The following CHST11 variants were observed in gnomAD, a reference collection of about 807,000 sequenced individuals.
CHST11 encodes the protein carbohydrate sulfotransferase 11, also known as C4S-1.
Under a neutral mutation model 30.4 loss-of-function variants are expected in CHST11, and 9 were observed. That is an observed-to-expected ratio of 0.30 (90% CI 0.18 to 0.52). The LOEUF is 0.52. Among genes scored for constraint, CHST11 ranks in the 20% least tolerant of loss-of-function variants. The pLI, the probability that CHST11 is intolerant of heterozygous loss-of-function variation, is 0.97. For missense variants in CHST11, 348 were observed against 460.6 expected (o/e 0.76, Z 2.24); for synonymous variants, 152 against 187.8 (o/e 0.81, Z 1.56).
At chr12:104,488,645 ATG>A (rs55888657) in intron 1 of CHST11, among the ~76,000 whole-genome samples, 1,542 of 136,686 alleles carry the variant, frequency 0.011, 25 homozygotes, top group African/African-American at 0.038. Context: ...GTGCGTGTGT[ATG>A]TGTGTGTGTA....
At chr12:104,695,086 A>T (rs1458896448) in intron 2 of CHST11, among the ~76,000 whole-genome samples, 2 of 152,138 alleles carry the variant, frequency 1.3e-5, no homozygotes, top group Non-Finnish European at 2.9e-5. Flanking sequence ...CTGCCTTCAG[A>T]TCCTGGCATC....
At position 104,681,025 on chromosome 12, in the gene CHST11, G is replaced by T. The variant is rs367865432; in HGVS notation, c.205-75924G>T. ...AAGGGTTGTTGTGAGGATGAATTGA[G>T]ATAATAAATGAAGACATCTAGTGCA... On this transcript the variant is annotated intron_variant, in intron 2 of 2. Coordinates refer to ENST00000303694, the MANE Select transcript of CHST11 (RefSeq NM_018413.6). Among the ~76,000 whole-genome samples the T allele has an allele frequency of 2.0e-4, 30 of 152,330 alleles. No individual in the cohort carries two copies. The South Asian group carries it at 6.2e-3, about 32-fold the overall frequency.
Position 104,575,247 on chromosome 12 carries a change from C to A in CHST11, c.119-26659C>A, listed in dbSNP as rs181538811. Among the ~76,000 whole-genome samples, 145 of 151,746 alleles carry A rather than the reference C, an allele frequency of 9.6e-4. 1 individual carries two copies. Among genetic ancestry groups the A allele is most frequent in the Non-Finnish European group, 1.4e-3 (98 of 67,964 alleles). On this transcript the variant is annotated intron_variant, in intron 1 of 2. Coordinates refer to ENST00000303694, the MANE Select transcript of CHST11 (RefSeq NM_018413.6). ...GCCCACAGGCATAAACTGGGATGAT[C>A]CCAGGGTGACGGGGCTTTGTGTTTG...
At chr12:104,660,356 T>C (rs1336545241) in intron 2 of CHST11, among the ~76,000 whole-genome samples, 1 of 152,194 alleles carries the variant, frequency 6.6e-6, no homozygotes, top group Non-Finnish European at 1.5e-5. Flanking sequence ...GCATTGCCAT[T>C]GCCCACGGGC....
rs182251225 is a variant in CHST11, at chr12:104,754,080, T to C, written c.205-2869T>C. ...AAATTTGTTGAGTGGTGGCATTTGG[T>C]CTGTGAATAACCAGAGGTCGGTAAT... On this transcript the variant is annotated intron_variant, in intron 2 of 2. Coordinates refer to ENST00000303694, the MANE Select transcript of CHST11 (RefSeq NM_018413.6). 3.9e-5 allele frequency among the ~76,000 whole-genome samples: 6 copies of C among 152,356 alleles called. No homozygotes were observed. In the East Asian group the frequency reaches 7.7e-4, roughly 20 times the overall value.
At chr12:104,648,656 A>G (rs1421123259) in intron 2 of CHST11, among the ~76,000 whole-genome samples, 1 of 151,368 alleles carries the variant, frequency 6.6e-6, no homozygotes, top group Non-Finnish European at 1.5e-5. Flanking sequence ...CTAAAAATAC[A>G]AAAAAAAATT....
chr12:104,528,674 T>A (rs2038151994), intron 1 of CHST11, among the ~76,000 whole-genome samples: 1 of 152,236 alleles, frequency 6.6e-6, no homozygotes, highest in Non-Finnish European at 1.5e-5. Flanking sequence ...TAGACTGTGC[T>A]GTTTTTCCTT....
chr12:104,574,602 C>T (rs1172744810), intron 1 of CHST11, among the ~76,000 whole-genome samples: 5 of 151,808 alleles, frequency 3.3e-5, no homozygotes, highest in East Asian at 1.9e-4. Flanking sequence ...AGCAAACTAT[C>T]GCAAGGACAA....
chr12:104,692,256 G>T (rs925403312), intron 2 of CHST11, among the ~76,000 whole-genome samples: 2 of 152,210 alleles, frequency 1.3e-5, no homozygotes, highest in Non-Finnish European at 2.9e-5. Context: ...GACGCATGCA[G>T]TGCTCCCTGG....
chr12:104,476,399 GC>G (rs1839917455), intron 1 of CHST11, among the ~76,000 whole-genome samples: 1 of 151,674 alleles, frequency 6.6e-6, no homozygotes. Flanking sequence ...AAATCGTCAG[GC>G]TTACAGTGTA....
In CHST11 at chr12:104,753,356, G is replaced by A. The variant is rs564262701; in HGVS notation, c.205-3593G>A. Among the ~76,000 whole-genome samples the A allele has an allele frequency of 1.6e-3, 249 of 152,340 alleles. 2 individuals are homozygous for A. The highest frequency in any genetic ancestry group is 5.7e-3 in the African/African-American group (235 of 41,572). On this transcript the variant is annotated intron_variant, in intron 2 of 2. Transcript: ENST00000303694. ...CTGATTGCATTAAAGAAGTTAGTCA[G>A]TGTGAAGCATGAAGAGCATTACCTG...
At position 104,457,286 on chromosome 12, in the gene CHST11, C is replaced by T. The variant is rs559861380; in HGVS notation, c.-126C>T. 9.5e-4 allele frequency: 599 copies of T among 628,762 alleles called. 3 individuals are homozygous for T. The East Asian group carries it at 0.01, about 11-fold the overall frequency. The allele number at this position is 628,762 out of a possible 1,614,324, so 38.9% of individuals were successfully genotyped here. On this transcript the variant is annotated 5_prime_UTR_variant, in exon 1 of 3. Transcript: ENST00000303694. Reference sequence around the variant, plus strand: ...GAGCGGCCGCGAAGCGACTCCGATCCTCCCTCTGAGCCTTGCTCAGCTCTG... The same window carrying T: ...GAGCGGCCGCGAAGCGACTCCGATCTTCCCTCTGAGCCTTGCTCAGCTCTG...
In CHST11 at chr12:104,458,408, G is replaced by T. The variant is rs1593943706; in HGVS notation, c.118+879G>T. On this transcript the variant is annotated intron_variant, in intron 1 of 2. Coordinates refer to ENST00000303694, the MANE Select transcript of CHST11 (RefSeq NM_018413.6). This position sits in a 1 kb window ranked among gnomAD's most constrained non-coding sequence, Gnocchi z 5.7. ...ATGAACCCCATTCCTCCGGTCCCTT[G>T]TGGCTCAGGCAAAGTTCCACGTCCG... 6.6e-6 allele frequency among the ~76,000 whole-genome samples: 1 copy of T among 152,244 alleles called. No homozygotes were observed. Among genetic ancestry groups the T allele is most frequent in the Non-Finnish European group, 1.5e-5 (1 of 68,036 alleles).
chr12:104,510,238 CTCTA>C (rs886800544), intron 1 of CHST11, among the ~76,000 whole-genome samples: 5 of 151,934 alleles, frequency 3.3e-5, no homozygotes, highest in Non-Finnish European at 7.4e-5. Context: ...TTTTTTACAC[CTCTA>C]TCTGTTTTTC....
chr12:104,534,751 A>G (rs1385789689), intron 1 of CHST11, among the ~76,000 whole-genome samples: 2 of 152,150 alleles, frequency 1.3e-5, no homozygotes, highest in Non-Finnish European at 2.9e-5. Flanking sequence ...TGAAGAGCAT[A>G]ATGCATGTGT....
chr12:104,553,905 G>T (rs888773054), intron 1 of CHST11, among the ~76,000 whole-genome samples: 4 of 152,120 alleles, frequency 2.6e-5, no homozygotes, highest in Admixed American at 1.3e-4. Flanking sequence ...TTGCCTTAGG[G>T]TCTCTCTCTG....
At chr12:104,509,754 A>G (rs1347721678) in intron 1 of CHST11, among the ~76,000 whole-genome samples, 1 of 152,234 alleles carries the variant, frequency 6.6e-6, no homozygotes, top group African/African-American at 2.4e-5. Flanking sequence ...CCTGAGATCC[A>G]GTGGGGCCTC....
chr12:104,541,120 T>TCACA (rs1300432243), intron 1 of CHST11, among the ~76,000 whole-genome samples: 2 of 45,066 alleles, frequency 4.4e-5, no homozygotes, highest in Non-Finnish European at 9.3e-5. Flanking sequence ...TCTCCCTCTC[T>TCACA]CTCTCTCTCT....
intron 2 of CHST11, among the ~76,000 whole-genome samples, chr12:104,740,253 T>C (rs976842757): frequency 7.2e-5 from 11 of 152,270 alleles, no homozygotes; most frequent in Non-Finnish European, 1.0e-4. Context: ...CACTTCTTTT[T>C]AGTTTTATAA....
Sources: gnomAD v4.1 joint callset for allele counts (sites outside exome capture counted in the v4.1 genomes callset) on GRCh38, gnomAD v4.1.1 for gene constraint, Gnocchi (gnomAD v3.1) non-coding constraint, MANE v1.5 for transcripts, NCBI Gene and HGNC (gene_info 2026-07-23, HGNC 2026-07-21) for gene names.